The following ZNF608 variants were observed in gnomAD, a reference collection of about 807,000 sequenced individuals.
The protein encoded by ZNF608 is zinc finger protein 608, also known as renal carcinoma antigen NY-REN-36.
A neutral mutation model predicts 109.0 loss-of-function variants in ZNF608; 12 were observed. That is an observed-to-expected ratio of 0.11 (90% CI 0.07 to 0.18). The LOEUF (loss-of-function observed/expected upper bound fraction) is 0.18, where lower values mean the gene tolerates loss of function less well. Among genes scored for constraint, ZNF608 ranks in the 10% least tolerant of loss-of-function variants. ZNF608 has a pLI of 1.00. For missense variants in ZNF608, 1,707 were observed against 1,879.3 expected (o/e 0.91, Z 1.70); for synonymous variants, 732 against 717.4 (o/e 1.02, Z -0.33).
intron 2 of ZNF608, among the ~76,000 whole-genome samples, chr5:124,716,155 A>G (rs1046689080): frequency 3.3e-5 from 5 of 151,234 alleles, no homozygotes; most frequent in Admixed American, 6.6e-5. Context: ...AAAAAAAAAA[A>G]AAAAAAAAGA....
intron 2 of ZNF608, among the ~76,000 whole-genome samples, chr5:124,733,143 G>A (rs1748981249): frequency 1.3e-5 from 2 of 149,918 alleles, no homozygotes; most frequent in African/African-American, 4.9e-5. Context: ...AGGATTTGGC[G>A]ACCAAGTAAA....
At chr5:124,721,443 C>T (rs1281634649) in intron 2 of ZNF608, among the ~76,000 whole-genome samples, 2 of 152,114 alleles carry the variant, frequency 1.3e-5, no homozygotes, top group African/African-American at 2.4e-5. Context: ...TCAGGGGTTC[C>T]AGGCTGGCAG....
intron 1 of ZNF608, among the ~76,000 whole-genome samples, chr5:124,745,787 C>T (rs1340206558): frequency 6.6e-6 from 1 of 152,186 alleles, no homozygotes; most frequent in African/African-American, 2.4e-5. Flanking sequence ...AACACACACA[C>T]ATACCTCCCT....
chr5:124,709,170 CAAAAAAAAA>C (rs1156276798), intron 2 of ZNF608, among the ~76,000 whole-genome samples: 430 of 32,716 alleles, frequency 0.013, 8 homozygotes, highest in African/African-American at 0.047. Flanking sequence ...GACTCTGTCT[CAAAAAAAAA>C]AAAAAAAAAA....
At chr5:124,685,522 C>A (rs567235112) in intron 3 of ZNF608, among the ~76,000 whole-genome samples, 3 of 152,230 alleles carry the variant, frequency 2.0e-5, no homozygotes, top group East Asian at 3.9e-4. Context: ...CAGTTGCATA[C>A]CCACTGGTAG....
intron 3 of ZNF608, among the ~76,000 whole-genome samples, chr5:124,680,486 A>G (rs1752148117): frequency 6.6e-6 from 1 of 152,198 alleles, no homozygotes. Flanking sequence ...TTTCGGGGAA[A>G]ACTGATAAAA....
At chr5:124,704,897 G>T (rs1053618776) in intron 2 of ZNF608, among the ~76,000 whole-genome samples, 2 of 151,938 alleles carry the variant, frequency 1.3e-5, no homozygotes, top group Non-Finnish European at 2.9e-5. Context: ...CACATAAAAC[G>T]ATGGCATCCC....
At position 124,637,416 on chromosome 5, in the gene ZNF608, G is replaced by A. The variant is rs1463521349; in HGVS notation, c.*484C>T. 6.6e-6 allele frequency: 1 copy of A among 152,534 alleles called. No individual in the cohort carries two copies. The highest frequency in any genetic ancestry group is 1.5e-5 in the Non-Finnish European group (1 of 68,034). The allele number at this position is 152,534 out of a possible 1,614,324, so 9.4% of individuals were successfully genotyped here. ...ATTGTACCAAAGTGTCATCATCACA[G>A]TTAGCCTTTCTGAGGGGCTTATGGG... On this transcript the variant is annotated 3_prime_UTR_variant, in exon 10 of 10. Transcript: ENST00000513986.
chr5:124,702,116 A>T (rs1753078327), intron 2 of ZNF608, among the ~76,000 whole-genome samples: 1 of 152,206 alleles, frequency 6.6e-6, no homozygotes, highest in Admixed American at 6.5e-5. Context: ...TCTTCATCAC[A>T]AAAAGTTTAA....
intron 3 of ZNF608, among the ~76,000 whole-genome samples, chr5:124,667,542 G>A (rs932325496): frequency 1.3e-4 from 20 of 152,166 alleles, no homozygotes; most frequent in African/African-American, 4.6e-4. Context: ...CAGGGTCTTC[G>A]ATGTTGAAAT....
intron 3 of ZNF608, among the ~76,000 whole-genome samples, chr5:124,671,607 A>G (rs140845177): frequency 3.9e-5 from 6 of 151,986 alleles, no homozygotes; most frequent in Non-Finnish European, 8.8e-5. Context: ...TTTGGGGCTA[A>G]GAAACAGGCA....
At chr5:124,638,312 A>G (rs895284022) in intron 9 of ZNF608, among the ~76,000 whole-genome samples, 1 of 149,728 alleles carries the variant, frequency 6.7e-6, no homozygotes, top group African/African-American at 2.5e-5. Flanking sequence ...GCTGGAATGC[A>G]ATGGTGCAAT....
intron 1 of ZNF608, among the ~76,000 whole-genome samples, chr5:124,745,597 C>T (rs1343949689): frequency 2.0e-5 from 3 of 152,188 alleles, no homozygotes; most frequent in Non-Finnish European, 2.9e-5. Flanking sequence ...TAAACATGTC[C>T]TAGATCTTGC....
At chr5:124,640,181 C>A (rs1285078439) in intron 8 of ZNF608, among the ~76,000 whole-genome samples, 1 of 152,182 alleles carries the variant, frequency 6.6e-6, no homozygotes, top group African/African-American at 2.4e-5. Flanking sequence ...AACATATTAT[C>A]TTACTTTCTA....
At chr5:124,724,660 C>T (rs1175286758) in intron 2 of ZNF608, among the ~76,000 whole-genome samples, 3 of 151,760 alleles carry the variant, frequency 2.0e-5, no homozygotes, top group Non-Finnish European at 4.4e-5. Context: ...ACCTGGAATA[C>T]GTTCTCTGGG....
chr5:124,743,843 A>G (rs369997761), intron 2 of ZNF608, among the ~76,000 whole-genome samples: 133 of 142,280 alleles, frequency 9.3e-4, no homozygotes, highest in African/African-American at 2.9e-3. Context: ...GAACCCAAAC[A>G]CTAGCATCAC....
Position 124,648,329 on chromosome 5 carries a change from A to G in ZNF608, c.2055T>C (p.Ser685=). The change falls in exon 5 of 10, where the codon AGT becomes AGC. Residue 685 remains serine, a synonymous_variant. Transcript: ENST00000513986. ...CCAAACTGCCGTCTGCTGCCGAGCA[A>G]CTGTCTAACGCAGCCGTCATGTTGG... ...VISNMTAALD[S]CSAADGSLAA... 1.2e-6 allele frequency: 2 copies of G among 1,614,108 alleles called. No individual in the cohort carries two copies. The highest frequency in any genetic ancestry group is 2.2e-5 in the South Asian group (2 of 91,076).
chr5:124,687,830 C>G (rs372260549), intron 3 of ZNF608, among the ~76,000 whole-genome samples: 1 of 152,136 alleles, frequency 6.6e-6, no homozygotes, highest in East Asian at 1.9e-4. Context: ...TAAAAACTAC[C>G]TTGATGGTTC....
intron 3 of ZNF608, among the ~76,000 whole-genome samples, chr5:124,676,920 C>T (rs968446571): frequency 6.6e-6 from 1 of 151,960 alleles, no homozygotes; most frequent in Admixed American, 6.6e-5. Context: ...TTCAGGATAG[C>T]GGCTATGTAG....
Sources: allele counts gnomAD v4.1 joint callset (sites outside exome capture counted in the v4.1 genomes callset), GRCh38; gene constraint gnomAD v4.1.1; transcripts MANE v1.5; gene names NCBI Gene and HGNC (gene_info 2026-07-23, HGNC 2026-07-21).